The following SEPTIN11 variants were observed in gnomAD, a reference collection of about 807,000 sequenced individuals.
SEPTIN11 encodes the protein septin 11.
SEPTIN11 carries 25 observed loss-of-function variants against 51.4 expected under a neutral mutation model. The ratio of observed to expected loss-of-function variants is 0.49; its 90% CI spans 0.35 to 0.68. SEPTIN11 has a LOEUF of 0.68. SEPTIN11 is among the 30% of genes least tolerant of loss of function. The pLI is 0.00. For missense variants in SEPTIN11, 381 were observed against 520.8 expected (o/e 0.73, Z 2.61); for synonymous variants, 174 against 184.1 (o/e 0.95, Z 0.44).
chr4:76,981,551 T>C (rs1392305996), intron 1 of SEPTIN11, among the ~76,000 whole-genome samples: 2 of 152,218 alleles, frequency 1.3e-5, no homozygotes, highest in Admixed American at 6.5e-5. Flanking sequence ...AATGTGCAGT[T>C]AACTTTCTGT....
intron 9 of SEPTIN11, chr4:77,031,504 A>C (rs1375239646): frequency 6.6e-6 from 1 of 152,390 alleles, no homozygotes; most frequent in Non-Finnish European, 1.5e-5. Context: ...TATCCAGTTG[A>C]CACCTCTGCC....
chr4:77,013,141 C>T (rs1384580470), intron 4 of SEPTIN11, among the ~76,000 whole-genome samples: 1 of 152,080 alleles, frequency 6.6e-6, no homozygotes, highest in Non-Finnish European at 1.5e-5. Flanking sequence ...AGTATGCAGA[C>T]CCAGCCGGAT....
intron 1 of SEPTIN11, among the ~76,000 whole-genome samples, chr4:76,957,590 G>A (rs1186207400): frequency 6.6e-6 from 1 of 152,168 alleles, no homozygotes; most frequent in African/African-American, 2.4e-5. Flanking sequence ...GTTATCTGAG[G>A]AAAATGGTGC....
rs182209719 is a variant in SEPTIN11 at position 77,005,873 on chromosome 4, A to C, written c.338+77A>C. 316 of 1,376,290 alleles carry C rather than the reference A, an allele frequency of 2.3e-4. 2 individuals carry two copies. In the African/African-American group the frequency reaches 4.2e-3, roughly 18 times the overall value. The allele number at this position is 1,376,290 out of a possible 1,614,324, so 85.3% of individuals were successfully genotyped here. ...CCATCCCAGGTAAATTTAAAGGCCA[A>C]ATGTTTTGGGGATTTTTTAGTTGTG... On this transcript the variant is annotated intron_variant, in intron 3 of 9. Transcript: ENST00000264893.
chr4:77,036,923 CT>C lies in SEPTIN11; in HGVS notation c.*2415del. 2 of 1,324,262 alleles carry C rather than the reference CT, an allele frequency of 1.5e-6. No individual in the cohort carries two copies. Among genetic ancestry groups the C allele is most frequent in the Non-Finnish European group, 1.9e-6 (2 of 1,042,506 alleles). 82.0% of individuals were successfully genotyped at this position (1,324,262 alleles called of 1,614,324 possible). ...AATGGGATGGATAGATTTTTTTTTT[CT>C]TTTCAAGGGGGGCAGGAAGGTAATG... On this transcript the variant is annotated 3_prime_UTR_variant, in exon 10 of 10. Coordinates refer to ENST00000264893, the MANE Select transcript of SEPTIN11 (RefSeq NM_018243.4).
intron 3 of SEPTIN11, among the ~76,000 whole-genome samples, chr4:77,006,816 C>CTAGA (rs1286529087): frequency 4.6e-5 from 7 of 152,054 alleles, no homozygotes; most frequent in Non-Finnish European, 1.5e-5. Context: ...CTAGAAATGC[C>CTAGA]TAGATATATT....
At chr4:77,020,000 C>T (rs1370875185) in intron 6 of SEPTIN11, among the ~76,000 whole-genome samples, 1 of 152,176 alleles carries the variant, frequency 6.6e-6, no homozygotes, top group African/African-American at 2.4e-5. Context: ...TAAGAAAACT[C>T]CTTTCTTCCT....
At chr4:77,031,097 C>G (rs2109985938) in intron 9 of SEPTIN11, 127 bp downstream of exon 9, 1 of 858,816 alleles carries the variant, frequency 1.2e-6, no homozygotes, top group African/African-American at 1.7e-5. Context: ...AGTATTTTCT[C>G]TACAGTGCAG....
At chr4:76,996,668 C>A in intron 2 of SEPTIN11, 129 bp downstream of exon 2, 1 of 670,332 alleles carries the variant, frequency 1.5e-6, no homozygotes, top group Non-Finnish European at 2.6e-6. Context: ...TAAAACAAGG[C>A]AAAATATCTG....
chr4:76,961,141 T>C (rs1721811368), intron 1 of SEPTIN11, among the ~76,000 whole-genome samples: 1 of 152,198 alleles, frequency 6.6e-6, no homozygotes, highest in African/African-American at 2.4e-5. Context: ...CACATTTTCT[T>C]AGTAAACATG....
chr4:77,029,319 C>A (rs1726419602), intron 8 of SEPTIN11, among the ~76,000 whole-genome samples: 1 of 151,834 alleles, frequency 6.6e-6, no homozygotes, highest in Admixed American at 6.6e-5. Context: ...CTATAACATT[C>A]ATCCCATTGT....
At chr4:76,983,911 G>A (rs567742681) in intron 1 of SEPTIN11, among the ~76,000 whole-genome samples, 5 of 152,276 alleles carry the variant, frequency 3.3e-5, no homozygotes, top group African/African-American at 7.2e-5. Flanking sequence ...GGAAGCTGAG[G>A]CAGGAGAATT....
rs55728971 is a variant in SEPTIN11, at chr4:76,994,900, CTTTT to C, written c.28-1500_28-1497del. 4.7e-3 allele frequency among the ~76,000 whole-genome samples: 260 copies of C among 54,868 alleles called. 1 individual carries two copies. Among genetic ancestry groups the C allele is most frequent in the African/African-American group, 0.017 (248 of 14,906 alleles). The allele number at this position is 54,868 out of a possible 152,430, so 36.0% of individuals were successfully genotyped here. ...ATTGACTAAGTGATCCTGTACAAAGCTTTTTTTTTTTTTTTTTTTTTTTTTTTTA... is the reference window on the plus strand; with the variant it reads ...ATTGACTAAGTGATCCTGTACAAAGCTTTTTTTTTTTTTTTTTTTTTTTTA... On this transcript the variant is annotated intron_variant, in intron 1 of 9. Transcript: ENST00000264893.
chr4:77,026,975 T>G (rs899647812), intron 7 of SEPTIN11, among the ~76,000 whole-genome samples: 1 of 152,200 alleles, frequency 6.6e-6, no homozygotes, highest in Non-Finnish European at 1.5e-5. Context: ...GCCAAGCATG[T>G]TTTTATCTTA....
At position 76,984,741 on chromosome 4, in the gene SEPTIN11, A is replaced by T. The variant is rs1469627986; in HGVS notation, c.28-11684A>T. Among the ~76,000 whole-genome samples the T allele has an allele frequency of 6.6e-6, 1 of 152,156 alleles. No homozygotes were observed. The highest frequency in any genetic ancestry group is 1.5e-5 in the Non-Finnish European group (1 of 68,022). On this transcript the variant is annotated intron_variant, in intron 1 of 9. Coordinates refer to ENST00000264893, the MANE Select transcript of SEPTIN11 (RefSeq NM_018243.4). This position sits in a 1 kb window ranked among gnomAD's most constrained non-coding sequence, Gnocchi z 4.1. ...GGAGGGACAAAAATGACCCAAATAA[A>T]CAACAGTGAGACAAGTGGGTGGTTT... is the stretch of plus-strand genomic sequence containing the variant.
At chr4:76,950,020 C>T (rs13129390) in intron 1 of SEPTIN11, 90 bp downstream of exon 1, 5 of 1,259,870 alleles carry the variant, frequency 4.0e-6, no homozygotes, top group Non-Finnish European at 4.1e-6. Context: ...GGGAGCCGGG[C>T]GGGTGCTCGG....
At chr4:77,018,909 C>T (rs1270678275) in intron 5 of SEPTIN11, among the ~76,000 whole-genome samples, 8 of 152,316 alleles carry the variant, frequency 5.3e-5, no homozygotes, top group South Asian at 2.1e-4. Context: ...GCTACTGCAT[C>T]GGCTAGCACA....
intron 6 of SEPTIN11, 84 bp downstream of exon 6, chr4:77,019,345 G>T: frequency 8.2e-7 from 1 of 1,222,920 alleles, no homozygotes; most frequent in Non-Finnish European, 1.1e-6. Flanking sequence ...GTCTTGTTTA[G>T]GGAGGCCCTC....
intron 2 of SEPTIN11, among the ~76,000 whole-genome samples, chr4:77,003,975 T>G (rs1178020454): frequency 1.3e-5 from 2 of 152,160 alleles, no homozygotes; most frequent in African/African-American, 2.4e-5. Context: ...TTTTCCAGAT[T>G]AAGAAAGAAA....
Sources: allele counts gnomAD v4.1 joint callset (sites outside exome capture counted in the v4.1 genomes callset), GRCh38; gene constraint gnomAD v4.1.1; non-coding constraint Gnocchi (gnomAD v3.1); transcripts MANE v1.5; gene names NCBI Gene and HGNC (gene_info 2026-07-23, HGNC 2026-07-21).